UST: variants seen among roughly 807,000 people sequenced by gnomAD.
UST encodes the protein uronyl 2-sulfotransferase, also known as chondroitin sulfate 2-O-sulfotransferase.
UST carries 21 observed loss-of-function variants against 45.6 expected under a neutral mutation model. The observed-to-expected ratio is 0.46, with a 90% CI of 0.33 to 0.66. The LOEUF (loss-of-function observed/expected upper bound fraction) is 0.66. Among genes scored for constraint, UST ranks in the 30% least tolerant of loss-of-function variants. UST has a pLI of 0.02. For missense variants in UST, 463 were observed against 512.4 expected, an observed-to-expected ratio of 0.90 and a Z score of 0.93; for synonymous variants, 215 against 200.6, an observed-to-expected ratio of 1.07 and a Z score of -0.61.
intron 5 of UST, among the ~76,000 whole-genome samples, chr6:149,007,236 C>T (rs992421974): frequency 2.0e-5 from 3 of 149,254 alleles, no homozygotes; most frequent in African/African-American, 7.4e-5. Flanking sequence ...TCTCCTGCCT[C>T]AGCCTCCTGA....
chr6:148,967,321 C>G (rs1457545955), intron 5 of UST, among the ~76,000 whole-genome samples: 1 of 150,162 alleles, frequency 6.7e-6, no homozygotes, highest in Admixed American at 6.6e-5. Context: ...AGCAGAAACT[C>G]GGGGGGGCTC....
intron 1 of UST, among the ~76,000 whole-genome samples, chr6:148,778,382 A>G (rs895824245): frequency 2.0e-5 from 3 of 152,158 alleles, no homozygotes; most frequent in African/African-American, 7.2e-5. Context: ...ATTTTCTTTT[A>G]TATCAAGTGA....
chr6:149,048,521 G>A (rs1287520960), intron 7 of UST, among the ~76,000 whole-genome samples: 1 of 123,864 alleles, frequency 8.1e-6, no homozygotes, highest in Non-Finnish European at 1.7e-5. Flanking sequence ...GGGCAATAGA[G>A]TGAGACTGTC....
chr6:148,859,507 A>C (rs1409312102), intron 1 of UST, among the ~76,000 whole-genome samples: 1 of 145,292 alleles, frequency 6.9e-6, no homozygotes, highest in Non-Finnish European at 1.5e-5. Context: ...ATTAGATCCC[A>C]TTTGTCAATT....
rs1054435435 is a variant in UST, at chr6:149,040,788, G to A, written c.937+19307G>A. 2.6e-5 allele frequency among the ~76,000 whole-genome samples: 4 copies of A among 152,182 alleles called. No individual in the cohort carries two copies. The East Asian group carries it at 5.8e-4, about 22-fold the overall frequency. Reference sequence around the variant, plus strand: ...GTGCCAACAAACTGAACTCCACGGCGTGGCTTTGTAAGGGCTCAGAAACAT... The same window carrying A: ...GTGCCAACAAACTGAACTCCACGGCATGGCTTTGTAAGGGCTCAGAAACAT... On this transcript the variant is annotated intron_variant, in intron 7 of 7. Transcript: ENST00000367463.
At chr6:149,038,823 A>G (rs900588545) in intron 7 of UST, among the ~76,000 whole-genome samples, 1 of 152,164 alleles carries the variant, frequency 6.6e-6, no homozygotes, top group Admixed American at 6.5e-5. Context: ...GGGGGGAAAA[A>G]GATGTCTAAT....
At chr6:149,009,127 T>C (rs1396507941) in intron 5 of UST, among the ~76,000 whole-genome samples, 1 of 152,200 alleles carries the variant, frequency 6.6e-6, no homozygotes, top group Non-Finnish European at 1.5e-5. Context: ...GAGAAAATGT[T>C]GCATCCATAC....
intron 5 of UST, among the ~76,000 whole-genome samples, chr6:149,014,295 C>T (rs1024671985): frequency 1.3e-5 from 2 of 152,198 alleles, no homozygotes; most frequent in African/African-American, 2.4e-5. Context: ...GCACTCAGGC[C>T]AGCTTGGAAG....
intron 7 of UST, among the ~76,000 whole-genome samples, chr6:149,051,120 A>G (rs560529289): frequency 6.6e-6 from 1 of 152,360 alleles, no homozygotes; most frequent in Non-Finnish European, 1.5e-5. Context: ...TAATGCTAAG[A>G]GTGAGGGCCA....
intron 1 of UST, among the ~76,000 whole-genome samples, chr6:148,808,016 G>T (rs977181203): frequency 1.3e-5 from 2 of 152,236 alleles, no homozygotes; most frequent in African/African-American, 2.4e-5. Flanking sequence ...ACAGAAGCCG[G>T]TGGGGAAGCC....
At chr6:148,912,342 G>A (rs892481221) in intron 2 of UST, among the ~76,000 whole-genome samples, 1 of 152,156 alleles carries the variant, frequency 6.6e-6, no homozygotes, top group East Asian at 1.9e-4. Flanking sequence ...TCATCTCAAG[G>A]CTGCTTATCA....
chr6:148,923,253 T>A (rs1779750049), intron 2 of UST, among the ~76,000 whole-genome samples: 1 of 152,246 alleles, frequency 6.6e-6, no homozygotes, highest in Admixed American at 6.5e-5. Flanking sequence ...TCTACGAATA[T>A]TTCAATACAA....
At position 148,790,511 on chromosome 6, in the gene UST, G is replaced by A. The variant is rs749248124; in HGVS notation, c.247+42834G>A. Among the ~76,000 whole-genome samples the A allele has an allele frequency of 6.6e-6, 1 of 152,134 alleles. No homozygotes were observed. Among genetic ancestry groups the A allele is most frequent in the African/African-American group, 2.4e-5 (1 of 41,444 alleles). On this transcript the variant is annotated intron_variant, in intron 1 of 7. Coordinates refer to ENST00000367463, the MANE Select transcript of UST (RefSeq NM_005715.3). This position sits in a 1 kb window ranked among gnomAD's most constrained non-coding sequence, Gnocchi z 4.2. ...AGTCCGTGCCCTGAATCACCTCCAC[G>A]TCCCACCTTGTGCCTGGTGAATGTC...
intron 1 of UST, among the ~76,000 whole-genome samples, chr6:148,751,344 C>T (rs1427179390): frequency 6.6e-6 from 1 of 152,178 alleles, no homozygotes; most frequent in Non-Finnish European, 1.5e-5. Context: ...GGCACCCACC[C>T]CAGCTGGCTT....
At chr6:149,003,042 A>G (rs953508316) in intron 5 of UST, among the ~76,000 whole-genome samples, 1 of 152,212 alleles carries the variant, frequency 6.6e-6, no homozygotes, top group Non-Finnish European at 1.5e-5. Flanking sequence ...CTTGGCATTC[A>G]TTGGTTGGAG....
At chr6:148,909,644 T>C (rs1430139025) in intron 2 of UST, among the ~76,000 whole-genome samples, 1 of 152,214 alleles carries the variant, frequency 6.6e-6, no homozygotes, top group East Asian at 1.9e-4. Context: ...CATCGTTGTT[T>C]AACGTCCTTC....
At chr6:148,771,806 A>G (rs1444985489) in intron 1 of UST, among the ~76,000 whole-genome samples, 5 of 152,184 alleles carry the variant, frequency 3.3e-5, no homozygotes, top group East Asian at 3.8e-4. Flanking sequence ...GCAGGTAACT[A>G]CTAAATTTGT....
intron 2 of UST, among the ~76,000 whole-genome samples, chr6:148,941,052 A>G (rs1039622797): frequency 6.6e-6 from 1 of 152,242 alleles, no homozygotes; most frequent in Admixed American, 6.5e-5. Flanking sequence ...CTGAAATTTC[A>G]TCAGTGCAGA....
intron 4 of UST, among the ~76,000 whole-genome samples, chr6:148,961,871 AAAG>A (rs1780666276): frequency 6.6e-6 from 1 of 152,236 alleles, no homozygotes; most frequent in African/African-American, 2.4e-5. Context: ...ACTGATGCTG[AAAG>A]AAGATGGAAT....
Sources: gnomAD v4.1 joint callset for allele counts (sites outside exome capture counted in the v4.1 genomes callset) on GRCh38, gnomAD v4.1.1 for gene constraint, Gnocchi (gnomAD v3.1) non-coding constraint, MANE v1.5 for transcripts, NCBI Gene and HGNC (gene_info 2026-07-23, HGNC 2026-07-21) for gene names.